Variants in MTMR4 observed in about 807,000 individuals in gnomAD.
MTMR4 encodes the protein phosphatidylinositol-3,5-bisphosphate 3-phosphatase MTMR4.
MTMR4 carries 30 observed loss-of-function variants against 125.5 expected under a neutral mutation model. The ratio of observed to expected loss-of-function variants is 0.24; its 90% confidence interval spans 0.18 to 0.32. The LOEUF is 0.32. Among genes scored for constraint, MTMR4 ranks in the 10% least tolerant of loss-of-function variants. The pLI is 1.00. For synonymous variants in MTMR4, 498 were observed against 564.5 expected, an observed-to-expected ratio of 0.88 and a Z score of 1.67; for missense variants, 1,039 against 1,511.5, an observed-to-expected ratio of 0.69 and a Z score of 5.18.
intron 14 of MTMR4, among the ~76,000 whole-genome samples, chr17:58,499,536 C>A (rs1975564220): frequency 6.6e-6 from 1 of 152,016 alleles, no homozygotes; most frequent in Admixed American, 6.6e-5. Flanking sequence ...AGCGAGAAAA[C>A]CCTACCTCTC....
At chr17:58,509,089 C>T (rs564947764) in intron 4 of MTMR4, among the ~76,000 whole-genome samples, 14 of 152,252 alleles carry the variant, frequency 9.2e-5, no homozygotes, top group Admixed American at 2.6e-4. Flanking sequence ...TCGAATGGGG[C>T]GCTACTGTTT....
intron 15 of MTMR4, among the ~76,000 whole-genome samples, chr17:58,494,132 G>C (rs990808952): frequency 6.6e-6 from 1 of 151,782 alleles, no homozygotes; most frequent in Non-Finnish European, 1.5e-5. Flanking sequence ...GGCTAACACA[G>C]TGAGACCCCA....
At position 58,495,080 on chromosome 17, in the gene MTMR4, A is replaced by C; in HGVS notation, c.3104T>G (p.Ile1035Ser). ...DDGLPFPTDV[I>S]QHRLRQIEAG... is the part of the protein sequence containing the mutation. Reference sequence around the variant, plus strand: ...TTCGATTTGCCGTAACCTATGCTGGATCACATCCGTGGGAAAGGGGAGTCC... The same window carrying C: ...TTCGATTTGCCGTAACCTATGCTGGCTCACATCCGTGGGAAAGGGGAGTCC... Residue 1035 changes from isoleucine (I) to serine (S), a missense_variant, in exon 15 of 18, where the codon ATC becomes AGC. By Grantham distance (142) the Ile-to-Ser change is moderately radical (BLOSUM62 -2). Around this residue, in one of 6 missense-constraint regions of MTMR4, gnomAD observed 619 missense variants for 714.5 expected, o/e 0.87. Coordinates refer to ENST00000682306, the MANE Select transcript of MTMR4 (RefSeq NM_001378067.1). 2 of 1,614,174 alleles carry C rather than the reference A, an allele frequency of 1.2e-6. No homozygotes were observed. Among genetic ancestry groups the C allele is most frequent in the Non-Finnish European group, 1.7e-6 (2 of 1,180,034 alleles).
In MTMR4 at chr17:58,514,451, T is replaced by C; in HGVS notation, c.-44A>G. 1.0e-6 allele frequency: 1 copy of C among 985,030 alleles called. No individual in the cohort carries two copies. The highest frequency in any genetic ancestry group is 1.2e-6 in the Non-Finnish European group (1 of 829,592). The allele number at this position is 985,030 out of a possible 1,614,324, so 61.0% of individuals were successfully genotyped here. A position where few individuals can be genotyped will look rare whatever the true frequency, so the allele number is the denominator to read the frequency against. On this transcript the variant is annotated 5_prime_UTR_variant, in exon 1 of 18. Coordinates refer to ENST00000682306, the MANE Select transcript of MTMR4 (RefSeq NM_001378067.1). ...CCAGCGCACATGTCCCCGGAGCCGC[T>C]GCGCTGCCCGCCAGCCCCGGGCGCC... is the stretch of plus-strand genomic sequence containing the variant.
intron 9 of MTMR4, 50 bp from the exon 10 acceptor site, chr17:58,505,633 C>T (rs533499597): frequency 2.5e-5 from 34 of 1,368,968 alleles, no homozygotes; most frequent in Non-Finnish European, 3.0e-5. Flanking sequence ...CTAGGCCGGG[C>T]GCGGTGGCTC....
rs139622896 is a variant in MTMR4, at chr17:58,495,007, C to G, written c.3177G>C (p.Glu1059Asp). ...EVEQLRRQVR[E>D]LQMRLDIRHC... is the part of the protein sequence containing the mutation. ...GACGGATGTCCAGCCTCATCTGAAG[C>G]TCACGCACCTGTCGACGTAGCTGCT... is the stretch of plus-strand genomic sequence containing the variant. The change falls in exon 15 of 18, where the codon GAG becomes GAC. Residue 1059 changes from glutamate (E) to aspartate (D), a missense_variant. Physicochemically the swap from Glu to Asp is conservative, Grantham distance 45. This residue lies in a region of MTMR4 where 619 missense variants were observed against 714.5 expected (regional missense o/e 0.87). Transcript: ENST00000682306. 9 of 1,614,108 alleles carry G rather than the reference C, an allele frequency of 5.6e-6. No individual in the cohort carries two copies. In the African/African-American group the frequency reaches 1.2e-4, roughly 22 times the overall value.
intron 4 of MTMR4, among the ~76,000 whole-genome samples, chr17:58,510,165 C>T (rs1245655941): frequency 6.6e-6 from 1 of 152,174 alleles, no homozygotes; most frequent in African/African-American, 2.4e-5. Context: ...CAGATCACAT[C>T]ACTCCTTTGC....
chr17:58,510,565 C>T (rs924175935), intron 4 of MTMR4: 4 of 152,194 alleles, frequency 2.6e-5, no homozygotes, highest in African/African-American at 9.7e-5. Context: ...CTCGACTTCT[C>T]AGGCTCAAGA....
intron 4 of MTMR4, among the ~76,000 whole-genome samples, chr17:58,510,065 T>C (rs1440453717): frequency 6.6e-6 from 1 of 152,212 alleles, no homozygotes; most frequent in Non-Finnish European, 1.5e-5. Context: ...GCTTCCTAAC[T>C]AGTCTCCCAG....
rs1178329124 is a variant in MTMR4, at chr17:58,495,968, A to C, written c.2216T>G (p.Leu739Arg). The change falls in exon 15 of 18, where the codon CTA becomes CGA. Residue 739 changes from leucine to arginine, a missense_variant. Leu to Arg is a moderately radical substitution (Grantham distance 102). Around this residue, in one of 6 missense-constraint regions of MTMR4, gnomAD observed 619 missense variants for 714.5 expected, o/e 0.87. Transcript: ENST00000682306. Reference protein sequence around the residue: ...SNTSDPEIKVLEETKGPAPDP... With the variant: ...SNTSDPEIKVREETKGPAPDP... ...TGGAGCTGGTCCCTTAGTCTCTTCT[A>C]GGACTTTGATCTCAGGATCAGAGGT... is the stretch of plus-strand genomic sequence containing the variant. 6.2e-7 allele frequency: 1 copy of C among 1,614,150 alleles called. No individual in the cohort carries two copies. The highest frequency in any genetic ancestry group is 1.1e-5 in the South Asian group (1 of 91,082).
At position 58,504,067 on chromosome 17, in the gene MTMR4, T is replaced by C. The variant is rs1975712435; in HGVS notation, c.1681A>G (p.Thr561Ala). The C allele has an allele frequency of 2.6e-6, 4 of 1,566,998 alleles. No individual in the cohort carries two copies. Among genetic ancestry groups the C allele is most frequent in the Non-Finnish European group, 3.5e-6 (4 of 1,157,760 alleles). Reference sequence around the variant, plus strand: ...AGACTCACCATGTCTGAGCTGGGTGTGTAGAGGAAGTTATGAAAGTTTTTA... The same window carrying C: ...AGACTCACCATGTCTGAGCTGGGTGCGTAGAGGAAGTTATGAAAGTTTTTA... Reference protein sequence around the residue: ...GNKNFHNFLYTPSSDMVLHPV... With the variant: ...GNKNFHNFLYAPSSDMVLHPV... Residue 561 changes from threonine (T) to alanine (A), a missense_variant, in exon 13 of 18, where the codon ACA becomes GCA. Around this residue, in one of 6 missense-constraint regions of MTMR4, gnomAD observed 619 missense variants for 714.5 expected, o/e 0.87. Transcript: ENST00000682306. This position sits in a 1 kb window ranked among gnomAD's most constrained non-coding sequence, Gnocchi z 7.1.
chr17:58,517,409 C>T (rs1311438698), upstream of MTMR4, among the ~76,000 whole-genome samples: 1 of 152,242 alleles, frequency 6.6e-6, no homozygotes, highest in East Asian at 1.9e-4. Context: ...CGGGAGGCTG[C>T]GGGGATAAAA....
Position 58,495,099 on chromosome 17 carries a change from G to A in MTMR4, c.3085C>T (p.Pro1029Ser). 1 of 1,614,182 alleles carries A rather than the reference G, an allele frequency of 6.2e-7. No individual in the cohort carries two copies. Among genetic ancestry groups the A allele is most frequent in the Non-Finnish European group, 8.5e-7 (1 of 1,180,024 alleles). The change falls in exon 15 of 18, where the codon CCC becomes TCC. Residue 1029 changes from proline to serine, a missense_variant. Physicochemically the swap from Pro to Ser is moderately conservative, Grantham distance 74. This residue lies in a region of MTMR4 where 619 missense variants were observed against 714.5 expected (regional missense o/e 0.87). Coordinates refer to ENST00000682306, the MANE Select transcript of MTMR4 (RefSeq NM_001378067.1). The stretch of plus-strand genomic sequence containing the variant: ...TGCTGGATCACATCCGTGGGAAAGG[G>A]GAGTCCATCATCATCCAAATACAGA... ...PPLYLDDDGL[P>S]FPTDVIQHRL...
intron 14 of MTMR4, among the ~76,000 whole-genome samples, chr17:58,498,046 G>A (rs1975518515): frequency 6.6e-6 from 1 of 152,112 alleles, no homozygotes; most frequent in Non-Finnish European, 1.5e-5. Flanking sequence ...TGGCCAACAT[G>A]GTGAAATCCC....
At position 58,493,322 on chromosome 17, in the gene MTMR4, G is replaced by T. The variant is rs1364052674; in HGVS notation, c.3253-370C>A. Among the ~76,000 whole-genome samples, 5 of 152,238 alleles carry T rather than the reference G, an allele frequency of 3.3e-5. No homozygotes were observed. The South Asian group carries it at 1.0e-3, about 31-fold the overall frequency. On this transcript the variant is annotated intron_variant, in intron 15 of 17. Transcript: ENST00000682306. ...AATCAGGTTTTGCTGGAACACAGCT[G>T]CATTCATTCATTTACTTACTGTCTA...
At position 58,495,384 on chromosome 17, in the gene MTMR4, C is replaced by G. The variant is rs202152950; in HGVS notation, c.2800G>C (p.Gly934Arg). The change falls in exon 15 of 18, where the codon GGG (glycine) becomes CGG (arginine). Residue 934 changes from glycine to arginine, a missense_variant. By Grantham distance (125) the Gly-to-Arg change is moderately radical. This residue lies in a region of MTMR4 where 619 missense variants were observed against 714.5 expected (regional missense o/e 0.87). Coordinates refer to ENST00000682306, the MANE Select transcript of MTMR4 (RefSeq NM_001378067.1). The stretch of plus-strand genomic sequence containing the variant: ...AGCAGCCGCCGAGGGGTGGCCTCCC[C>G]ACTTGGGAATGAAGTCACCATCCCT... ...FQGMVTSFPS[G>R]EATPRRLLSY... is the part of the protein sequence containing the mutation. 6.2e-7 allele frequency: 1 copy of G among 1,614,228 alleles called. No individual in the cohort carries two copies. The highest frequency in any genetic ancestry group is 1.1e-5 in the South Asian group (1 of 91,080).
At chr17:58,515,443 G>C (rs138025747), upstream of MTMR4, among the ~76,000 whole-genome samples, 1 of 152,148 alleles carries the variant, frequency 6.6e-6, no homozygotes, top group South Asian at 2.1e-4. Context: ...TTGTTTGGGG[G>C]AGAAGGGAGT....
chr17:58,516,448 G>A, upstream of MTMR4: 2 of 915,126 alleles, frequency 2.2e-6, no homozygotes, highest in South Asian at 1.4e-5. Context: ...TATCTCCAGG[G>A]CAGATGAACA....
chr17:58,495,070 C>T lies in MTMR4; in HGVS notation c.3114G>A (p.Arg1038=), dbSNP rs368633199. 5 of 1,614,104 alleles carry T rather than the reference C, an allele frequency of 3.1e-6. No individual in the cohort carries two copies. The African/African-American group carries it at 4.0e-5, about 13-fold the overall frequency. The change falls in exon 15 of 18, where the codon AGG becomes AGA. Residue 1038 remains arginine (R), a synonymous_variant. Transcript: ENST00000682306. The stretch of plus-strand genomic sequence containing the variant: ...TGTACCCTGCTTCGATTTGCCGTAA[C>T]CTATGCTGGATCACATCCGTGGGAA... The part of the protein sequence containing the change: ...LPFPTDVIQH[R]LRQIEAGYKQ...
Sources: allele counts gnomAD v4.1 joint callset (sites outside exome capture counted in the v4.1 genomes callset), GRCh38; gene constraint gnomAD v4.1.1; regional missense constraint gnomAD v4.1.1; non-coding constraint Gnocchi (gnomAD v3.1); transcripts MANE v1.5; gene names NCBI Gene and HGNC (gene_info 2026-07-23, HGNC 2026-07-21).